Variants in CNTN4 observed in about 807,000 individuals in gnomAD.
CNTN4 encodes the protein contactin-4.
CNTN4 carries 77 observed loss-of-function variants against 122.5 expected under a neutral mutation model. The observed-to-expected ratio is 0.63, with a 90% CI of 0.52 to 0.76. The LOEUF (loss-of-function observed/expected upper bound fraction) is 0.76, where lower values mean the gene tolerates loss of function less well. Ranked by LOEUF, CNTN4 falls within the 30% of genes least tolerant of loss-of-function variation. CNTN4 has a pLI of 0.00. For synonymous variants in CNTN4, 512 were observed against 447.0 expected, an observed-to-expected ratio of 1.15 and a Z score of -1.83; for missense variants, 1,256 against 1,259.1, an observed-to-expected ratio of 1.00 and a Z score of 0.04.
chr3:2,678,508 G>A (rs960871558), intron 4 of CNTN4, among the ~76,000 whole-genome samples: 5 of 152,120 alleles, frequency 3.3e-5, no homozygotes, highest in African/African-American at 7.2e-5. Flanking sequence ...ACTCTATGGC[G>A]GTGAAAGCAA....
At position 2,900,823 on chromosome 3, in the gene CNTN4, T is replaced by TA; in HGVS notation, c.1077+4dup. Reference sequence around the variant, plus strand: ...AATGGCGAACCTCTGCTAACTCGGGTAAGCAAGTTAATGGTAATTGTGCCT... The same window carrying TA: ...AATGGCGAACCTCTGCTAACTCGGGTAAAGCAAGTTAATGGTAATTGTGCCT... On this transcript the variant is annotated splice_region_variant and intron_variant, in intron 11 of 24. Transcript: ENST00000418658. The TA allele has an allele frequency of 6.2e-7, 1 of 1,613,854 alleles. No individual in the cohort carries two copies. Among genetic ancestry groups the TA allele is most frequent in the Non-Finnish European group, 8.5e-7 (1 of 1,179,738 alleles).
At chr3:2,301,530 C>T (rs76641397) in intron 2 of CNTN4, among the ~76,000 whole-genome samples, 1 of 152,156 alleles carries the variant, frequency 6.6e-6, no homozygotes, top group Non-Finnish European at 1.5e-5. Flanking sequence ...CTTTTTCATA[C>T]CAGAGGCCCT....
chr3:2,957,417 T>C (rs915374238), intron 13 of CNTN4, among the ~76,000 whole-genome samples: 3 of 152,204 alleles, frequency 2.0e-5, no homozygotes, highest in African/African-American at 7.2e-5. Flanking sequence ...CATATGCCTT[T>C]GGCCATTTAC....
intron 15 of CNTN4, among the ~76,000 whole-genome samples, chr3:3,028,746 G>C (rs537214050): frequency 2.0e-5 from 3 of 152,234 alleles, no homozygotes; most frequent in East Asian, 3.9e-4. Flanking sequence ...GATGATAATA[G>C]TGATAATTCC....
intron 3 of CNTN4, among the ~76,000 whole-genome samples, chr3:2,479,352 G>T (rs2075920136): frequency 6.6e-6 from 1 of 152,050 alleles, no homozygotes; most frequent in East Asian, 1.9e-4. Flanking sequence ...CTTTTAAATG[G>T]CTTATTTTCA....
chr3:2,751,889 T>C (rs1198398192), intron 6 of CNTN4, among the ~76,000 whole-genome samples: 1 of 152,196 alleles, frequency 6.6e-6, no homozygotes, highest in Non-Finnish European at 1.5e-5. Flanking sequence ...TGAGATGTTA[T>C]ATTGACTAAG....
At chr3:2,511,204 G>T (rs73114225) in intron 3 of CNTN4, 1 of 152,318 alleles carries the variant, frequency 6.6e-6, no homozygotes, top group African/African-American at 2.4e-5. Context: ...ATATTCTGTA[G>T]TTGAGGAATT....
intron 3 of CNTN4, among the ~76,000 whole-genome samples, chr3:2,354,044 A>C (rs1470169087): frequency 1.3e-5 from 2 of 152,352 alleles, no homozygotes; most frequent in Admixed American, 6.5e-5. Context: ...TTATGACGTA[A>C]CCTAAAGTAG....
intron 6 of CNTN4, among the ~76,000 whole-genome samples, chr3:2,798,157 A>G (rs1325354524): frequency 6.6e-6 from 1 of 151,104 alleles, no homozygotes; most frequent in African/African-American, 2.4e-5. Flanking sequence ...TCACTTGAGA[A>G]CATGTGGTAT....
intron 2 of CNTN4, among the ~76,000 whole-genome samples, chr3:2,118,443 G>A (rs1342174794): frequency 6.6e-6 from 1 of 152,158 alleles, no homozygotes; most frequent in African/African-American, 2.4e-5. Flanking sequence ...TAAATGACAG[G>A]GGTTTAGGAA....
chr3:2,419,252 AT>A (rs1407440337), intron 3 of CNTN4, among the ~76,000 whole-genome samples: 13 of 152,190 alleles, frequency 8.5e-5, no homozygotes, highest in Non-Finnish European at 1.3e-4. Flanking sequence ...GCTCGAATGA[AT>A]ATAGGTAACA....
intron 3 of CNTN4, among the ~76,000 whole-genome samples, chr3:2,471,644 C>T (rs1331995779): frequency 6.6e-6 from 1 of 152,146 alleles, no homozygotes; most frequent in African/African-American, 2.4e-5. Context: ...GAATTGGAGG[C>T]CATCTGTCCC....
At chr3:2,531,213 G>C (rs2077583485) in intron 3 of CNTN4, among the ~76,000 whole-genome samples, 1 of 152,180 alleles carries the variant, frequency 6.6e-6, no homozygotes, top group Non-Finnish European at 1.5e-5. Context: ...TCCTCTGTTA[G>C]CCAGGAAAGG....
At chr3:2,954,615 G>C (rs1033467479) in intron 13 of CNTN4, among the ~76,000 whole-genome samples, 1 of 151,652 alleles carries the variant, frequency 6.6e-6, no homozygotes, top group Non-Finnish European at 1.5e-5. Flanking sequence ...TTTCACTGAG[G>C]GGGAGGGCAG....
chr3:2,218,226 A>G (rs192557137), intron 2 of CNTN4, among the ~76,000 whole-genome samples: 14 of 152,342 alleles, frequency 9.2e-5, no homozygotes, highest in Admixed American at 8.5e-4. Context: ...AAAATGTGCA[A>G]TCTAATTTTA....
chr3:2,970,922 A>C (rs2125097832), intron 13 of CNTN4, among the ~76,000 whole-genome samples: 1 of 151,738 alleles, frequency 6.6e-6, no homozygotes, highest in Middle Eastern at 3.4e-3. Context: ...CGAGTAGCTG[A>C]GATTACAGGT....
chr3:2,429,624 T>G (rs1221237672), intron 3 of CNTN4, among the ~76,000 whole-genome samples: 2 of 152,192 alleles, frequency 1.3e-5, no homozygotes, highest in Non-Finnish European at 2.9e-5. Flanking sequence ...GACAGGGACG[T>G]TTAAGTCTGC....
chr3:2,865,280 C>A (rs977375757), intron 7 of CNTN4, among the ~76,000 whole-genome samples: 11 of 152,114 alleles, frequency 7.2e-5, no homozygotes, highest in Admixed American at 7.2e-4. Context: ...ATGTGCATGA[C>A]CCCTCCTTTG....
At chr3:2,296,346 A>G (rs1191393009) in intron 2 of CNTN4, among the ~76,000 whole-genome samples, 2 of 151,994 alleles carry the variant, frequency 1.3e-5, no homozygotes, top group Non-Finnish European at 2.9e-5. Context: ...TATCTCTTTT[A>G]TTTCATTGAG....
Sources: allele counts gnomAD v4.1 joint callset (sites outside exome capture counted in the v4.1 genomes callset), GRCh38; gene constraint gnomAD v4.1.1; transcripts MANE v1.5; gene names NCBI Gene and HGNC (gene_info 2026-07-23, HGNC 2026-07-21).